Variants in PXK observed in about 807,000 individuals in gnomAD.
PXK encodes PX domain containing serine/threonine kinase like, also known as PX domain-containing protein kinase-like protein.
PXK carries 35 observed loss-of-function variants against 84.7 expected under a neutral mutation model. That is an observed-to-expected ratio of 0.41 (90% CI 0.32 to 0.55). The LOEUF (loss-of-function observed/expected upper bound fraction) is 0.55. Ranked by LOEUF, PXK falls within the 20% of genes least tolerant of loss-of-function variation. The pLI is 0.21. For synonymous variants in PXK, 253 were observed against 260.8 expected, an observed-to-expected ratio of 0.97 and a Z score of 0.29; for missense variants, 634 against 699.7, an observed-to-expected ratio of 0.91 and a Z score of 1.06.
Position 58,397,041 on chromosome 3 carries a change from A to T in PXK, c.825A>T (p.Val275=), listed in dbSNP as rs374387658. Residue 275 remains valine (V), a splice_region_variant and synonymous_variant, in exon 10 of 18, where the codon GTA becomes GTT. Transcript: ENST00000356151. The surrounding 1 kb of genome is among the most constrained non-coding windows in gnomAD (Gnocchi z 4.7). ...AACTTTCCCATATGTTTTGATAGGTACTGAAGTTTCTTCATGACAAGGGAT... is the reference window on the plus strand; with the variant it reads ...AACTTTCCCATATGTTTTGATAGGTTCTGAAGTTTCTTCATGACAAGGGAT... ...IKTYGRQILE[V]LKFLHDKGFP... 4 of 1,613,772 alleles carry T rather than the reference A, an allele frequency of 2.5e-6. No homozygotes were observed. In the African/African-American group the frequency reaches 5.3e-5, roughly 22 times the overall value.
At position 58,367,606 on chromosome 3, in the gene PXK, C is replaced by T. The variant is rs568019802; in HGVS notation, c.153+1682C>T. ...TGAAGACCCAAAGACCCGGGGAAAA[C>T]TGTCCATTTTTATGCTTGATTTGAT... On this transcript the variant is annotated intron_variant, in intron 2 of 17. Coordinates refer to ENST00000356151, the MANE Select transcript of PXK (RefSeq NM_017771.5). Among the ~76,000 whole-genome samples the T allele has an allele frequency of 1.2e-4, 18 of 152,286 alleles. No homozygotes were observed. In the East Asian group the frequency reaches 3.3e-3, roughly 28 times the overall value.
At chr3:58,338,759 C>T (rs562175744) in intron 1 of PXK, among the ~76,000 whole-genome samples, 3 of 150,208 alleles carry the variant, frequency 2.0e-5, no homozygotes, top group Admixed American at 6.6e-5. Flanking sequence ...GATCTCGGCT[C>T]ACCGCAACCT....
intron 9 of PXK, among the ~76,000 whole-genome samples, chr3:58,396,114 C>A (rs1345895275): frequency 2.0e-5 from 3 of 152,112 alleles, no homozygotes; most frequent in Non-Finnish European, 2.9e-5. Flanking sequence ...AGAAGTATAA[C>A]CAACAGTGAG....
rs553491249 is a variant in PXK, at chr3:58,333,719, T to C, written c.102+629T>C. On this transcript the variant is annotated intron_variant, in intron 1 of 17. Transcript: ENST00000356151. This position sits in a 1 kb window ranked among gnomAD's most constrained non-coding sequence, Gnocchi z 5.4. ...GAATGTGCTTCTCTAACTTGCTCTT[T>C]AGTGGGCAGTGGTAGCATTCATTTG... 4.5e-6 allele frequency: 2 copies of C among 445,396 alleles called. No individual in the cohort carries two copies. The highest frequency in any genetic ancestry group is 4.0e-5 in the African/African-American group (2 of 49,910). 27.6% of individuals were successfully genotyped at this position (445,396 alleles called of 1,614,324 possible). A position where few individuals can be genotyped will look rare whatever the true frequency, so the allele number is the denominator to read the frequency against.
intron 17 of PXK, chr3:58,422,802 T>C (rs1288206745): frequency 1.0e-6 from 1 of 985,222 alleles, no homozygotes; most frequent in Non-Finnish European, 1.2e-6. Context: ...GGCTAGTCAG[T>C]CTCTAGATGG....
chr3:58,421,901 T>C lies in PXK; in HGVS notation c.1529-2851T>C, dbSNP rs773583449. On this transcript the variant is annotated intron_variant, in intron 17 of 17. Transcript: ENST00000356151. This position sits in a 1 kb window ranked among gnomAD's most constrained non-coding sequence, Gnocchi z 5.5. The stretch of plus-strand genomic sequence containing the variant: ...TTCCTGGGTGCAAATTCAGGTATCA[T>C]AAGTCTAACATGGAATCGGTCTGCT... 7 of 985,360 alleles carry C rather than the reference T, an allele frequency of 7.1e-6. No individual in the cohort carries two copies. Among genetic ancestry groups the C allele is most frequent in the Non-Finnish European group, 8.4e-6 (7 of 829,904 alleles). 61.0% of individuals were successfully genotyped at this position (985,360 alleles called of 1,614,324 possible).
rs1403327937 is a variant in PXK, at chr3:58,390,693, A to T, written c.466+34A>T. On this transcript the variant is annotated intron_variant, in intron 5 of 17. Coordinates refer to ENST00000356151, the MANE Select transcript of PXK (RefSeq NM_017771.5). This position sits in a 1 kb window ranked among gnomAD's most constrained non-coding sequence, Gnocchi z 4.2. Reference sequence around the variant, plus strand: ...TTGGCACGCTCATTCTGTTAAAAAGACAGATCACAGAACTGGATCCTTAGT... The same window carrying T: ...TTGGCACGCTCATTCTGTTAAAAAGTCAGATCACAGAACTGGATCCTTAGT... 6.3e-7 allele frequency: 1 copy of T among 1,579,034 alleles called. No homozygotes were observed.
At chr3:58,418,706 A>C (rs1345902940) in intron 17 of PXK, among the ~76,000 whole-genome samples, 1 of 152,224 alleles carries the variant, frequency 6.6e-6, no homozygotes, top group East Asian at 1.9e-4. Flanking sequence ...TAAACTACGA[A>C]TGTCTTGCAA....
chr3:58,380,124 G>A (rs1474608748), intron 3 of PXK, among the ~76,000 whole-genome samples: 1 of 152,078 alleles, frequency 6.6e-6, no homozygotes, highest in Non-Finnish European at 1.5e-5. Flanking sequence ...ACAATAAAAG[G>A]CCAAATAACT....
intron 6 of PXK, among the ~76,000 whole-genome samples, 171 bp downstream of exon 6, chr3:58,391,391 T>G (rs1482581788): frequency 6.6e-6 from 1 of 152,184 alleles, no homozygotes; most frequent in East Asian, 1.9e-4. Flanking sequence ...TGTATTTGGT[T>G]ATATAAATGC....
chr3:58,380,248 AAAC>A (rs145974890), intron 3 of PXK, among the ~76,000 whole-genome samples: 18,310 of 151,902 alleles, frequency 0.12, 1,571 homozygotes, highest in African/African-American at 0.24. Context: ...GCTTATGGGA[AAAC>A]AACAACAAAA....
rs545533067 is a variant in PXK at position 58,426,074 on chromosome 3, G to A, written c.*1114G>A. ...ATTTCAAATGAGAACTTTTTGTAGC[G>A]TCTGTTGTTAGCAAAGAATAGATTC... On this transcript the variant is annotated 3_prime_UTR_variant, in exon 18 of 18. Transcript: ENST00000356151. 3.3e-5 allele frequency: 5 copies of A among 152,238 alleles called. No homozygotes were observed. The highest frequency in any genetic ancestry group is 6.5e-5 in the Admixed American group (1 of 15,296). 9.4% of individuals were successfully genotyped at this position (152,238 alleles called of 1,614,324 possible).
intron 1 of PXK, among the ~76,000 whole-genome samples, chr3:58,346,840 G>A (rs1262128078): frequency 6.8e-6 from 1 of 146,278 alleles, no homozygotes; most frequent in Admixed American, 6.9e-5. Context: ...TCCTTTTTTT[G>A]GGAGGGTGGG....
At chr3:58,423,631 C>A in intron 17 of PXK, 1 of 1,425,652 alleles carries the variant, frequency 7.0e-7, no homozygotes, top group Non-Finnish European at 9.4e-7. Context: ...TTACCTGTTA[C>A]TTATCACAAC....
At position 58,409,774 on chromosome 3, in the gene PXK, GA is replaced by G. The variant is rs34734687; in HGVS notation, c.1395+165del. Among the ~76,000 whole-genome samples the G allele has an allele frequency of 1.3e-5, 2 of 150,462 alleles. No individual in the cohort carries two copies. Among genetic ancestry groups the G allele is most frequent in the African/African-American group, 4.9e-5 (2 of 40,930 alleles). Reference sequence around the variant, plus strand: ...ATGACTGGGGTGCAGTTTTTTTGGGGAAAAAAAAAGAGTCATATGATAATCA... The same window carrying G: ...ATGACTGGGGTGCAGTTTTTTTGGGGAAAAAAAAGAGTCATATGATAATCA... On this transcript the variant is annotated intron_variant, in intron 15 of 17. Coordinates refer to ENST00000356151, the MANE Select transcript of PXK (RefSeq NM_017771.5). This position sits in a 1 kb window ranked among gnomAD's most constrained non-coding sequence, Gnocchi z 4.2.
chr3:58,354,614 T>A (rs1304621731), intron 1 of PXK, among the ~76,000 whole-genome samples: 1 of 151,960 alleles, frequency 6.6e-6, no homozygotes, highest in Non-Finnish European at 1.5e-5. Flanking sequence ...GCCTGGCTAA[T>A]TTTTTTGTAT....
In PXK at chr3:58,364,144, T is replaced by C. The variant is rs1034587145; in HGVS notation, c.103-1730T>C. Among the ~76,000 whole-genome samples the C allele has an allele frequency of 2.0e-5, 3 of 152,162 alleles. No homozygotes were observed. The highest frequency in any genetic ancestry group is 4.4e-5 in the Non-Finnish European group (3 of 68,030). On this transcript the variant is annotated intron_variant, in intron 1 of 17. Transcript: ENST00000356151. This position sits in a 1 kb window ranked among gnomAD's most constrained non-coding sequence, Gnocchi z 4.3. The stretch of plus-strand genomic sequence containing the variant: ...AATTGCTGAATTCAATTTACTAATA[T>C]TTTGGTAAGGATTTTTGAGCCTATG...
chr3:58,369,481 A>G lies in PXK; in HGVS notation c.201+3A>G. The G allele has an allele frequency of 6.2e-7, 1 of 1,604,266 alleles. No individual in the cohort carries two copies. Among genetic ancestry groups the G allele is most frequent in the Non-Finnish European group, 8.5e-7 (1 of 1,171,366 alleles). On this transcript the variant is annotated splice_donor_region_variant and intron_variant, in intron 3 of 17. Coordinates refer to ENST00000356151, the MANE Select transcript of PXK (RefSeq NM_017771.5). ...ATTTGCTTAACAACAGCTTACAGGT[A>G]AATGTTTTGAAATTCTAATTACACA...
At chr3:58,387,789 A>G (rs564552846) in intron 4 of PXK, among the ~76,000 whole-genome samples, 50 of 152,160 alleles carry the variant, frequency 3.3e-4, no homozygotes, top group Admixed American at 3.3e-4. Flanking sequence ...CTGGGAGTGT[A>G]CAGAGGAGAG....
Sources: allele counts gnomAD v4.1 joint callset (sites outside exome capture counted in the v4.1 genomes callset), GRCh38; gene constraint gnomAD v4.1.1; non-coding constraint Gnocchi (gnomAD v3.1); transcripts MANE v1.5; gene names NCBI Gene and HGNC (gene_info 2026-07-23, HGNC 2026-07-21).